The following AKAP8 variants were observed in gnomAD, a reference collection of about 807,000 sequenced individuals.
The protein encoded by AKAP8 is A-kinase anchoring protein 8, also known as A-kinase anchor protein 8.
Under a neutral mutation model 67.5 loss-of-function variants are expected in AKAP8, and 24 were observed. The observed-to-expected ratio is 0.36, with a 90% confidence interval of 0.26 to 0.50. The LOEUF (loss-of-function observed/expected upper bound fraction) is 0.50. Among genes scored for constraint, AKAP8 ranks in the 20% least tolerant of loss-of-function variants. The pLI, the probability that AKAP8 is intolerant of heterozygous loss-of-function variation, is 0.97. For missense variants in AKAP8, 971 were observed against 955.9 expected (o/e 1.02, Z -0.21); for synonymous variants, 400 against 371.1 (o/e 1.08, Z -0.90).
chr19:15,368,875 C>A (rs1967110565), intron 8 of AKAP8: 7 of 985,306 alleles, frequency 7.1e-6, no homozygotes, highest in Non-Finnish European at 8.4e-6. Context: ...AACCGTCAAT[C>A]TAGGGCTTTC....
chr19:15,375,052 G>A (rs1055800687), intron 2 of AKAP8, among the ~76,000 whole-genome samples: 4 of 152,194 alleles, frequency 2.6e-5, no homozygotes, highest in Non-Finnish European at 4.4e-5. Context: ...CAACTCAAGC[G>A]AAAAAGAGGA....
chr19:15,366,192 T>A (rs1350777143), intron 9 of AKAP8, among the ~76,000 whole-genome samples: 6 of 116,820 alleles, frequency 5.1e-5, no homozygotes, highest in Non-Finnish European at 1.0e-4. Flanking sequence ...AAAAAAAATG[T>A]CATCTCTATA....
intron 7 of AKAP8, among the ~76,000 whole-genome samples, chr19:15,371,211 T>C (rs1967151747): frequency 6.6e-6 from 1 of 151,058 alleles, no homozygotes; most frequent in African/African-American, 2.4e-5. Flanking sequence ...ACCTCCAACT[T>C]GGATCAGAAT....
rs1269094980 is a variant in AKAP8 at position 15,379,782 on chromosome 19, G to A, written c.-51C>T. 1.9e-6 allele frequency: 3 copies of A among 1,608,040 alleles called. No individual in the cohort carries two copies. Among genetic ancestry groups the A allele is most frequent in the Non-Finnish European group, 2.5e-6 (3 of 1,178,030 alleles). On this transcript the variant is annotated 5_prime_UTR_variant, in exon 1 of 14. Coordinates refer to ENST00000269701, the MANE Select transcript of AKAP8 (RefSeq NM_005858.4). ...CCCGTTTACTAGGCGACCACAGCAC[G>A]CATGCGTTCAGCGCACCTCCGCCAT...
chr19:15,359,963 G>A (rs567067530), intron 12 of AKAP8, among the ~76,000 whole-genome samples: 5 of 151,894 alleles, frequency 3.3e-5, no homozygotes, highest in South Asian at 2.1e-4. Context: ...GTGAAACCCC[G>A]TCTCTATTAA....
At chr19:15,364,744 C>T (rs1967042446) in intron 9 of AKAP8, among the ~76,000 whole-genome samples, 1 of 152,150 alleles carries the variant, frequency 6.6e-6, no homozygotes, top group Non-Finnish European at 1.5e-5. Context: ...CTGCCTTAGC[C>T]TCCCCAAAGT....
rs185834288 is a variant in AKAP8 at position 15,359,339 on chromosome 19, A to G, written c.1528-277T>C. Among the ~76,000 whole-genome samples the G allele has an allele frequency of 2.8e-3, 421 of 152,364 alleles. 4 individuals are homozygous for G. The highest frequency in any genetic ancestry group is 9.2e-3 in the African/African-American group (382 of 41,584). On this transcript the variant is annotated intron_variant, in intron 12 of 13. Coordinates refer to ENST00000269701, the MANE Select transcript of AKAP8 (RefSeq NM_005858.4). ...GGTGAAACAAGAGCATTTACAAATG[A>G]AAGGCTGTGTGGACTCAGTGGAGGA...
intron 13 of AKAP8, among the ~76,000 whole-genome samples, chr19:15,355,730 C>G (rs1252988112): frequency 6.6e-6 from 1 of 151,692 alleles, no homozygotes. Flanking sequence ...CCATGCCCGG[C>G]CCATTCTGCA....
In AKAP8 at chr19:15,368,224, C is replaced by T. The variant is rs1343062490; in HGVS notation, c.1160+11G>A. ...CACCTCCTCCTGTGGGGTCGTGTGCCCGCGCCTCACCTGTCGGCTGCACGG... is the reference window on the plus strand; with the variant it reads ...CACCTCCTCCTGTGGGGTCGTGTGCTCGCGCCTCACCTGTCGGCTGCACGG... On this transcript the variant is annotated intron_variant, in intron 9 of 13. Coordinates refer to ENST00000269701, the MANE Select transcript of AKAP8 (RefSeq NM_005858.4). The T allele has an allele frequency of 6.2e-7, 1 of 1,610,520 alleles. No individual in the cohort carries two copies. Among genetic ancestry groups the T allele is most frequent in the African/African-American group, 1.3e-5 (1 of 74,932 alleles).
Position 15,368,285 on chromosome 19 carries a change from TCTC to T in AKAP8, c.1107_1109del (p.Arg371del), listed in dbSNP as rs1967100486. On this transcript the variant is annotated inframe_deletion, in exon 9 of 14. Transcript: ENST00000269701. The stretch of plus-strand genomic sequence containing the variant: ...TGTCTCTTCTCCTTTGCTTTTCCCT[TCTC>T]TTCTTCACATCCTCGTCCTCGTCCT... The T allele has an allele frequency of 6.2e-7, 1 of 1,613,546 alleles. No homozygotes were observed. Among genetic ancestry groups the T allele is most frequent in the African/African-American group, 1.3e-5 (1 of 74,916 alleles).
rs866119603 is a variant in AKAP8, at chr19:15,355,039, C to A, written c.1955G>T (p.Gly652Val). ...ARSEAAEAGN[G>V]AETMAAEAES... The stretch of plus-strand genomic sequence containing the variant: ...TGCCTCTGCTGCCATTGTCTCGGCG[C>A]CATTTCCAGCCTCTGCAGCCTCACT... Residue 652 changes from glycine (G) to valine (V), a missense_variant, in exon 14 of 14, where the codon GGC becomes GTC. Transcript: ENST00000269701. The A allele has an allele frequency of 1.2e-6, 2 of 1,614,168 alleles. No individual in the cohort carries two copies. Among genetic ancestry groups the A allele is most frequent in the Middle Eastern group, 1.7e-4 (1 of 6,060 alleles).
rs1599566016 is a variant in AKAP8 at position 15,368,566 on chromosome 19, G to C, written c.1073-244C>G. 3 of 985,140 alleles carry C rather than the reference G, an allele frequency of 3.0e-6. No individual in the cohort carries two copies. The African/African-American group carries it at 5.2e-5, about 17-fold the overall frequency. 61.0% of individuals were successfully genotyped at this position (985,140 alleles called of 1,614,324 possible). A position where few individuals can be genotyped will look rare whatever the true frequency, so the allele number is the denominator to read the frequency against. ...GGCCTGAGGCGGCCAGGATGGGCTAGGGACACAGCCTGCCCACCCCATGTG... is the reference window on the plus strand; with the variant it reads ...GGCCTGAGGCGGCCAGGATGGGCTACGGACACAGCCTGCCCACCCCATGTG... On this transcript the variant is annotated intron_variant, in intron 8 of 13. Transcript: ENST00000269701.
rs79820048 is a variant in AKAP8 at position 15,370,926 on chromosome 19, G to C, written c.1039-747C>G. On this transcript the variant is annotated intron_variant, in intron 7 of 13. Coordinates refer to ENST00000269701, the MANE Select transcript of AKAP8 (RefSeq NM_005858.4). ...ATTACAGGTGTGAGCCACCGCGCCA[G>C]GCCTATATTTACCCGATGTCTTAAT... Among the ~76,000 whole-genome samples the C allele has an allele frequency of 8.7e-4, 132 of 152,180 alleles. 2 individuals carry two copies. The East Asian group carries it at 0.024, about 27-fold the overall frequency.
At chr19:15,370,797 A>G (rs371285187) in intron 7 of AKAP8, among the ~76,000 whole-genome samples, 14 of 151,884 alleles carry the variant, frequency 9.2e-5, no homozygotes, top group Non-Finnish European at 1.8e-4. Flanking sequence ...ACATCCAGCT[A>G]ATTTTTGTAT....
In AKAP8 at chr19:15,354,917, A is replaced by G; in HGVS notation, c.2077T>C (p.Ter693ArgextTer48). 6.2e-7 allele frequency: 1 copy of G among 1,613,318 alleles called. No homozygotes were observed. Among genetic ancestry groups the G allele is most frequent in the Non-Finnish European group, 8.5e-7 (1 of 1,179,460 alleles). Residue 693 changes from the stop codon to arginine, a stop_lost, in exon 14 of 14, where the codon TGA (stop) becomes CGA (arginine). Coordinates refer to ENST00000269701, the MANE Select transcript of AKAP8 (RefSeq NM_005858.4). ...AESKDAVPTE[*>R] ...TCCCTGGAACAGGGAAATGAGCATC[A>G]TTCTGTGGGAACAGCGTCTTTAGAC...
At chr19:15,363,128 C>A (rs1967002389) in intron 9 of AKAP8, among the ~76,000 whole-genome samples, 1 of 151,318 alleles carries the variant, frequency 6.6e-6, no homozygotes, top group African/African-American at 2.4e-5. Context: ...CCGGCAGCCG[C>A]CCCGTCTGAG....
At chr19:15,377,078 G>C in intron 1 of AKAP8, 64 bp from the exon 2 acceptor site, 1 of 1,546,626 alleles carries the variant, frequency 6.5e-7, no homozygotes, top group Non-Finnish European at 8.8e-7. Context: ...CCTTTTGGGG[G>C]TACTCCTAAA....
Position 15,366,205 on chromosome 19 carries a change from C to T in AKAP8, c.1160+2030G>A, listed in dbSNP as rs192451733. Among the ~76,000 whole-genome samples the T allele has an allele frequency of 2.9e-3, 438 of 149,742 alleles. 1 individual carries two copies. The highest frequency in any genetic ancestry group is 4.8e-3 in the Non-Finnish European group (327 of 67,640). ...AAAAAAAAAATGTCATCTCTATACC[C>T]TTCTCCCAGTACTCTGGGAGGCCAA... On this transcript the variant is annotated intron_variant, in intron 9 of 13. Coordinates refer to ENST00000269701, the MANE Select transcript of AKAP8 (RefSeq NM_005858.4).
At chr19:15,356,430 T>TAAAAA in intron 13 of AKAP8, among the ~76,000 whole-genome samples, 1 of 150,640 alleles carries the variant, frequency 6.6e-6, no homozygotes, top group Non-Finnish European at 1.5e-5. Flanking sequence ...TAAAATAAAA[T>TAAAAA]AAAATAAAGG....
Sources: allele counts gnomAD v4.1 joint callset (sites outside exome capture counted in the v4.1 genomes callset), GRCh38; gene constraint gnomAD v4.1.1; transcripts MANE v1.5; gene names NCBI Gene and HGNC (gene_info 2026-07-23, HGNC 2026-07-21).